MICAL2: variants seen among roughly 807,000 people sequenced by gnomAD.
MICAL2 encodes the protein [F-actin]-monooxygenase MICAL2.
MICAL2 carries 77 observed loss-of-function variants against 127.3 expected under a neutral mutation model. The observed-to-expected ratio is 0.60, with a 90% confidence interval of 0.50 to 0.73. MICAL2 has a LOEUF of 0.73. Among genes scored for constraint, MICAL2 ranks in the 30% least tolerant of loss-of-function variants. MICAL2 has a pLI of 0.00. For missense variants in MICAL2, 1,351 were observed against 1,434.4 expected (o/e 0.94, Z 0.94); for synonymous variants, 570 against 551.1 (o/e 1.03, Z -0.48).
intron 1 of MICAL2, among the ~76,000 whole-genome samples, chr11:12,124,462 T>A (rs995923776): frequency 1.3e-5 from 2 of 152,156 alleles, no homozygotes; most frequent in Non-Finnish European, 2.9e-5. Flanking sequence ...AAAAAGGACA[T>A]GAACAGCCTT....
intron 1 of MICAL2, among the ~76,000 whole-genome samples, chr11:12,114,583 G>A (rs750211269): frequency 1.3e-5 from 2 of 152,152 alleles, no homozygotes; most frequent in Non-Finnish European, 2.9e-5. Context: ...GGCTGTGCTG[G>A]ATCCTCAGCA....
At chr11:12,131,534 C>A (rs1485345845) in intron 1 of MICAL2, among the ~76,000 whole-genome samples, 1 of 152,178 alleles carries the variant, frequency 6.6e-6, no homozygotes, top group African/African-American at 2.4e-5. Flanking sequence ...TTCAGCCCTG[C>A]TGTCTTCAGA....
chr11:12,236,242 C>G lies in MICAL2; in HGVS notation c.2061C>G (p.Asp687Glu), dbSNP rs3794084. ...KRRRKGFTNL[D>E]EPSNFSSRSL... ...GACGGAAGGGCTTCACCAACCTGGA[C>G]GAGGTTTGTGTACACAGTGTGGCTT... Residue 687 changes from aspartate to glutamate, a missense_variant, in exon 16 of 28, where the codon GAC becomes GAG. This residue lies in a region of MICAL2 where 752 missense variants were observed against 719.4 expected (regional missense o/e 1.05). Coordinates refer to ENST00000683283, the MANE Select transcript of MICAL2 (RefSeq NM_001282663.2). 5,734 of 1,614,088 alleles carry G rather than the reference C, an allele frequency of 3.6e-3. 117 individuals are homozygous for G. In the East Asian group the frequency reaches 0.056, roughly 16 times the overall value.
intron 1 of MICAL2, among the ~76,000 whole-genome samples, chr11:12,130,750 G>A (rs972812381): frequency 6.6e-6 from 1 of 152,144 alleles, no homozygotes; most frequent in Non-Finnish European, 1.5e-5. Flanking sequence ...TGCTTCTTAA[G>A]TGCACATGGC....
At chr11:12,279,816 C>T (rs1863753401) in intron 1 of MICAL2, among the ~76,000 whole-genome samples, 1 of 152,226 alleles carries the variant, frequency 6.6e-6, no homozygotes, top group South Asian at 2.1e-4. Context: ...CCAGCTGCTA[C>T]TCCCACATCA....
At chr11:12,304,550 G>A (rs987688587) in intron 29 of MICAL2, among the ~76,000 whole-genome samples, 1 of 152,038 alleles carries the variant, frequency 6.6e-6, no homozygotes, top group Non-Finnish European at 1.5e-5. Flanking sequence ...CAAGAGAATT[G>A]CTTGAACTTG....
intron 30 of MICAL2, among the ~76,000 whole-genome samples, chr11:12,321,529 C>A (rs898120843): frequency 6.6e-6 from 1 of 152,192 alleles, no homozygotes; most frequent in Non-Finnish European, 1.5e-5. Flanking sequence ...AGAGACGCAG[C>A]AGCTTGTCTT....
intron 32 of MICAL2, among the ~76,000 whole-genome samples, chr11:12,347,442 G>A (rs1289570020): frequency 1.3e-5 from 2 of 152,050 alleles, no homozygotes; most frequent in Non-Finnish European, 2.9e-5. Flanking sequence ...TGTATCTCCA[G>A]TACCTAAGGC....
intron 31 of MICAL2, among the ~76,000 whole-genome samples, chr11:12,326,385 C>T (rs150397026): frequency 4.7e-4 from 71 of 152,312 alleles, no homozygotes; most frequent in African/African-American, 1.6e-3. Flanking sequence ...TTTTCCCTAA[C>T]TTCTTTCTAA....
chr11:12,129,636 C>CTTTTTTTTTTT (rs559528778), intron 1 of MICAL2, among the ~76,000 whole-genome samples: 10 of 97,462 alleles, frequency 1.0e-4, no homozygotes, highest in East Asian at 3.2e-4. Context: ...TCTTCTTCTT[C>CTTTTTTTTTTT]TTTTTTTTTT....
At chr11:12,279,388 G>A (rs1464671830) in intron 1 of MICAL2, among the ~76,000 whole-genome samples, 4 of 152,158 alleles carry the variant, frequency 2.6e-5, no homozygotes, top group Non-Finnish European at 4.4e-5. Context: ...TCAAGTCTTG[G>A]TCATGCAGAC....
intron 21 of MICAL2, among the ~76,000 whole-genome samples, chr11:12,245,596 C>T (rs2134519302): frequency 6.6e-6 from 1 of 152,322 alleles, no homozygotes; most frequent in Admixed American, 6.5e-5. Flanking sequence ...TCTTCAATGC[C>T]ACTGAAAATA....
chr11:12,210,855 A>C (rs1855359532), intron 6 of MICAL2, among the ~76,000 whole-genome samples: 1 of 152,162 alleles, frequency 6.6e-6, no homozygotes, highest in Non-Finnish European at 1.5e-5. Context: ...TGTCACAGAG[A>C]CTGCCCTGTG....
intron 32 of MICAL2, among the ~76,000 whole-genome samples, chr11:12,343,391 A>G (rs1377666338): frequency 7.2e-6 from 1 of 139,588 alleles, no homozygotes; most frequent in African/African-American, 2.6e-5. Context: ...CTGGGCGACA[A>G]GAGCTTCATC....
chr11:12,125,613 T>C (rs1299588599), intron 1 of MICAL2, among the ~76,000 whole-genome samples: 1 of 152,196 alleles, frequency 6.6e-6, no homozygotes, highest in Non-Finnish European at 1.5e-5. Context: ...TCTAGTCCTT[T>C]AAAAGATAAA....
chr11:12,263,366 C>T (rs989556668), intron 27 of MICAL2, 194 bp from the exon 28 acceptor site: 2 of 152,320 alleles, frequency 1.3e-5, no homozygotes, highest in African/African-American at 4.8e-5. Context: ...CGAGAAACAA[C>T]ACACCAAGCA....
intron 2 of MICAL2, among the ~76,000 whole-genome samples, chr11:12,283,804 A>G (rs1863796309): frequency 6.6e-6 from 1 of 152,260 alleles, no homozygotes; most frequent in African/African-American, 2.4e-5. Context: ...CTCAAAGTTC[A>G]CAGAGCGTGC....
intron 1 of MICAL2, among the ~76,000 whole-genome samples, chr11:12,128,359 A>G (rs1389862263): frequency 1.3e-5 from 2 of 152,248 alleles, no homozygotes; most frequent in African/African-American, 2.4e-5. Context: ...CATCTTTGCA[A>G]TAACTGCCCA....
At chr11:12,345,246 G>A (rs1291385545) in intron 32 of MICAL2, among the ~76,000 whole-genome samples, 1 of 152,214 alleles carries the variant, frequency 6.6e-6, no homozygotes, top group Non-Finnish European at 1.5e-5. Context: ...TTTTCTGGAT[G>A]GAGTTGCAAG....
Sources: gnomAD v4.1 joint callset for allele counts (sites outside exome capture counted in the v4.1 genomes callset) on GRCh38, gnomAD v4.1.1 for gene constraint, gnomAD v4.1.1 regional missense constraint, MANE v1.5 for transcripts, NCBI Gene and HGNC (gene_info 2026-07-23, HGNC 2026-07-21) for gene names.